Variants in PTPRD observed in about 807,000 individuals in gnomAD.
The protein encoded by PTPRD is receptor-type tyrosine-protein phosphatase delta.
In PTPRD, 34 loss-of-function variants were observed where a neutral mutation model predicts 214.5. That is an observed-to-expected ratio of 0.16 (90% CI 0.12 to 0.21). PTPRD has a LOEUF of 0.21. Among genes scored for constraint, PTPRD ranks in the 10% least tolerant of loss-of-function variants. PTPRD has a pLI of 1.00. For synonymous variants in PTPRD, 1,128 were observed against 845.7 expected (o/e 1.33, Z -5.79); for missense variants, 2,545 against 2,398.7 (o/e 1.06, Z -1.27).
intron 9 of PTPRD, among the ~76,000 whole-genome samples, chr9:9,390,977 T>A (rs1298059917): frequency 6.6e-6 from 1 of 152,188 alleles, no homozygotes; most frequent in Non-Finnish European, 1.5e-5. Context: ...ATGGTGTTTA[T>A]CAAGATATCT....
chr9:9,527,308 T>G (rs1245663387), intron 8 of PTPRD, among the ~76,000 whole-genome samples: 4 of 152,292 alleles, frequency 2.6e-5, no homozygotes, highest in African/African-American at 9.6e-5. Flanking sequence ...GCAAGGTGTA[T>G]TTTGTTATTC....
At chr9:10,065,150 A>AGAAAGAAAGAAAGAAAGAAAGAAAGAAG (rs2097852489) in intron 3 of PTPRD, among the ~76,000 whole-genome samples, 3 of 146,364 alleles carry the variant, frequency 2.0e-5, no homozygotes, top group Admixed American at 1.4e-4. Flanking sequence ...TTAGAAAGAA[A>AGAAAGAAAGAAAGAAAGAAAGAAAGAAG]GAAAGAAAGA....
At chr9:8,982,701 G>C (rs1371205611) in intron 11 of PTPRD, among the ~76,000 whole-genome samples, 1 of 151,836 alleles carries the variant, frequency 6.6e-6, no homozygotes, top group Non-Finnish European at 1.5e-5. Flanking sequence ...ATTCCTATCT[G>C]CAAGTTCACT....
chr9:10,179,270 A>G (rs570330921), intron 3 of PTPRD, among the ~76,000 whole-genome samples: 2 of 152,132 alleles, frequency 1.3e-5, no homozygotes, highest in South Asian at 4.1e-4. Flanking sequence ...ATTAAATTTG[A>G]GCTGAAAGCA....
chr9:9,171,811 T>C (rs920384794), intron 10 of PTPRD, among the ~76,000 whole-genome samples: 2 of 152,124 alleles, frequency 1.3e-5, no homozygotes, highest in African/African-American at 4.8e-5. Context: ...TGAAAGTTCA[T>C]AGAATAAATC....
intron 11 of PTPRD, among the ~76,000 whole-genome samples, chr9:8,782,743 G>A (rs7029292): frequency 0.25 from 38,076 of 151,604 alleles, 5,784 homozygotes; most frequent in African/African-American, 0.43. Flanking sequence ...GATTACAGGC[G>A]CACACCACCA....
chr9:9,871,377 T>A (rs1207144113), intron 5 of PTPRD, among the ~76,000 whole-genome samples: 1 of 152,196 alleles, frequency 6.6e-6, no homozygotes, highest in African/African-American at 2.4e-5. Flanking sequence ...TAGTCTTGTA[T>A]CCTTGATGGA....
At chr9:9,277,436 A>C (rs1487032198) in intron 9 of PTPRD, among the ~76,000 whole-genome samples, 1 of 151,348 alleles carries the variant, frequency 6.6e-6, no homozygotes, top group Non-Finnish European at 1.5e-5. Flanking sequence ...TTTTCCGTTG[A>C]AATTTTAAAA....
intron 33 of PTPRD, among the ~76,000 whole-genome samples, chr9:8,454,776 A>G (rs970331605): frequency 1.3e-5 from 2 of 151,936 alleles, no homozygotes; most frequent in African/African-American, 4.8e-5. Context: ...ATTATGAACT[A>G]AACAGAGGAC....
At position 9,197,775 on chromosome 9, in the gene PTPRD, C is replaced by T. The variant is rs118029675; in HGVS notation, c.-202-14412G>A. Among the ~76,000 whole-genome samples the T allele has an allele frequency of 4.3e-4, 66 of 152,310 alleles. 1 individual carries two copies. The East Asian group carries it at 9.5e-3, about 22-fold the overall frequency. On this transcript the variant is annotated intron_variant, in intron 9 of 45. Transcript: ENST00000381196. Reference sequence around the variant, plus strand: ...TGGCTTCCTTTTCCTGTCAACACTCCTTTCATGTTTCAGATACTCAATAAA... The same window carrying T: ...TGGCTTCCTTTTCCTGTCAACACTCTTTTCATGTTTCAGATACTCAATAAA...
chr9:9,813,186 A>G (rs2047690978), intron 5 of PTPRD, among the ~76,000 whole-genome samples: 1 of 152,074 alleles, frequency 6.6e-6, no homozygotes, highest in African/African-American at 2.4e-5. Context: ...AAATGCTTAC[A>G]TTTATTAATA....
rs368953265 is a variant in PTPRD, at chr9:8,492,716, T to A, written c.2467+146A>T. Reference sequence around the variant, plus strand: ...TTTCCCTGATCTATTTTTTTTTTTTTACCCCTGAACTAAAAACACAAAAGT... The same window carrying A: ...TTTCCCTGATCTATTTTTTTTTTTTAACCCCTGAACTAAAAACACAAAAGT... On this transcript the variant is annotated intron_variant, in intron 27 of 45. Coordinates refer to ENST00000381196, the MANE Select transcript of PTPRD (RefSeq NM_002839.4). The A allele has an allele frequency of 1.6e-5, 7 of 438,432 alleles. No homozygotes were observed. In the Admixed American group the frequency reaches 2.8e-4, roughly 18 times the overall value. The allele number at this position is 438,432 out of a possible 1,614,324, so 27.2% of individuals were successfully genotyped here.
intron 2 of PTPRD, among the ~76,000 whole-genome samples, chr9:10,499,436 T>C (rs764429386): frequency 8.6e-5 from 13 of 151,942 alleles, no homozygotes; most frequent in Non-Finnish European, 1.8e-4. Flanking sequence ...CAAAACATCT[T>C]AAAATCTCTT....
intron 5 of PTPRD, among the ~76,000 whole-genome samples, chr9:9,844,176 C>G (rs2058955620): frequency 6.6e-6 from 1 of 151,848 alleles, no homozygotes; most frequent in Non-Finnish European, 1.5e-5. Context: ...CTAGCTTTCA[C>G]TTTCTTGAAT....
chr9:8,641,363 G>C (rs1362548086), intron 12 of PTPRD, among the ~76,000 whole-genome samples: 4 of 148,382 alleles, frequency 2.7e-5, no homozygotes, highest in Admixed American at 2.6e-4. Context: ...GAACTTTCCA[G>C]TCACCATTAT....
chr9:8,907,219 C>G (rs1179134847), intron 11 of PTPRD, among the ~76,000 whole-genome samples: 2 of 151,896 alleles, frequency 1.3e-5, no homozygotes, highest in African/African-American at 4.8e-5. Context: ...CAATCCAGAG[C>G]TGCCACAATA....
At chr9:10,174,585 A>ATT (rs147404116) in intron 3 of PTPRD, among the ~76,000 whole-genome samples, 2 of 151,496 alleles carry the variant, frequency 1.3e-5, no homozygotes, top group African/African-American at 4.9e-5. Flanking sequence ...TCAACGAAAG[A>ATT]TTTTTTTTTC....
intron 2 of PTPRD, among the ~76,000 whole-genome samples, chr9:10,374,025 C>G (rs906267607): frequency 3.3e-5 from 5 of 151,992 alleles, no homozygotes; most frequent in African/African-American, 1.2e-4. Flanking sequence ...CATTTTCAGG[C>G]CTTAATTTAG....
intron 2 of PTPRD, among the ~76,000 whole-genome samples, chr9:10,557,060 G>T (rs1012933908): frequency 2.0e-5 from 3 of 152,092 alleles, no homozygotes; most frequent in Admixed American, 2.0e-4. Context: ...TGTAATTCAG[G>T]TTTTCAAGCA....
Sources: gnomAD v4.1 joint callset for allele counts (sites outside exome capture counted in the v4.1 genomes callset) on GRCh38, gnomAD v4.1.1 for gene constraint, MANE v1.5 for transcripts, NCBI Gene and HGNC (gene_info 2026-07-23, HGNC 2026-07-21) for gene names.